PDE11A: variants seen among roughly 807,000 people sequenced by gnomAD.
The protein encoded by PDE11A is phosphodiesterase 11A.
PDE11A carries 100 observed loss-of-function variants against 100.5 expected under a neutral mutation model. The observed-to-expected ratio is 1.00, with a 90% CI of 0.85 to 1.18. PDE11A has a LOEUF of 1.18. PDE11A is among the 50% of genes most tolerant of loss of function. The pLI is 0.00. For missense variants in PDE11A, 1,141 were observed against 1,152.6 expected (o/e 0.99, Z 0.15); for synonymous variants, 381 against 420.8 (o/e 0.91, Z 1.16).
intron 15 of PDE11A, among the ~76,000 whole-genome samples, chr2:177,683,893 T>G (rs1445588502): frequency 3.3e-5 from 5 of 152,300 alleles, no homozygotes; most frequent in African/African-American, 1.2e-4. Flanking sequence ...GTGAGTAATT[T>G]CACATTGCTG....
At chr2:178,074,245 T>A (rs1260608978), upstream of PDE11A, among the ~76,000 whole-genome samples, 5 of 151,228 alleles carry the variant, frequency 3.3e-5, no homozygotes, top group Non-Finnish European at 5.9e-5. Context: ...TGTGTATGAG[T>A]TTTTTGGGGG....
intron 2 of PDE11A, among the ~76,000 whole-genome samples, chr2:177,957,947 C>T (rs1334700206): frequency 1.7e-5 from 2 of 120,536 alleles, no homozygotes; most frequent in African/African-American, 3.6e-5. Context: ...GTTGCCCAGG[C>T]TGGAGTGCAG....
chr2:177,937,754 TG>T (rs2085294847), intron 2 of PDE11A, among the ~76,000 whole-genome samples: 1 of 152,092 alleles, frequency 6.6e-6, no homozygotes, highest in South Asian at 2.1e-4. Flanking sequence ...ATCTCCAAGG[TG>T]AATAGAAGAT....
intron 10 of PDE11A, among the ~76,000 whole-genome samples, chr2:177,754,763 A>G (rs1466761502): frequency 1.3e-5 from 2 of 152,218 alleles, no homozygotes; most frequent in Non-Finnish European, 1.5e-5. Context: ...GCAGCTGGAG[A>G]GAGCTGTTTG....
At chr2:177,747,152 A>G (rs1574102278) in intron 10 of PDE11A, among the ~76,000 whole-genome samples, 1 of 152,356 alleles carries the variant, frequency 6.6e-6, no homozygotes, top group East Asian at 1.9e-4. Context: ...TGTTGTCTCC[A>G]TATAACAGTA....
intron 2 of PDE11A, among the ~76,000 whole-genome samples, chr2:177,948,660 T>C (rs1262446895): frequency 1.3e-5 from 2 of 152,168 alleles, no homozygotes; most frequent in Admixed American, 6.5e-5. Context: ...TCTCAACACT[T>C]TGGGAGGCTG....
At position 177,793,689 on chromosome 2, in the gene PDE11A, A is replaced by G. The variant is rs118122785; in HGVS notation, c.1737+23140T>C. On this transcript the variant is annotated intron_variant, in intron 9 of 19. Transcript: ENST00000286063. ...GAGGAAAGGGCATGTGAGGCCACAT[A>G]CAAGCAAACTGGAACCCAAAACAAG... Among the ~76,000 whole-genome samples, 32 of 152,260 alleles carry G rather than the reference A, an allele frequency of 2.1e-4. 1 individual carries two copies. In the East Asian group the frequency reaches 6.2e-3, roughly 29 times the overall value.
intron 4 of PDE11A, among the ~76,000 whole-genome samples, chr2:177,883,567 T>G (rs1405648): frequency 0.29 from 43,534 of 151,950 alleles, 6,396 homozygotes; most frequent in Middle Eastern, 0.36. Flanking sequence ...AGTCTTCATG[T>G]GAACTGTGTG....
chr2:177,691,061 G>A (rs952673423), intron 15 of PDE11A, among the ~76,000 whole-genome samples: 3 of 152,312 alleles, frequency 2.0e-5, no homozygotes, highest in African/African-American at 7.2e-5. Flanking sequence ...AGAGTAAGGT[G>A]TCTGCATTCA....
chr2:177,657,690 GC>G (rs1168982154), intron 19 of PDE11A, among the ~76,000 whole-genome samples: 4 of 151,892 alleles, frequency 2.6e-5, no homozygotes, highest in Non-Finnish European at 5.9e-5. Context: ...GCAGAAAGAG[GC>G]GGGTGAGAGA....
intron 5 of PDE11A, among the ~76,000 whole-genome samples, chr2:177,875,187 T>G (rs375206091): frequency 4.0e-5 from 6 of 151,784 alleles, no homozygotes; most frequent in African/African-American, 1.4e-4. Context: ...TTGCAGTGCT[T>G]CACTCTAGCC....
intron 5 of PDE11A, among the ~76,000 whole-genome samples, chr2:177,850,830 A>G (rs1002896860): frequency 1.3e-5 from 2 of 152,148 alleles, no homozygotes; most frequent in Non-Finnish European, 2.9e-5. Context: ...TCAAAACCAC[A>G]ATGAGATACC....
intron 2 of PDE11A, among the ~76,000 whole-genome samples, chr2:177,907,999 C>T (rs1028777180): frequency 6.6e-6 from 1 of 152,174 alleles, no homozygotes; most frequent in Non-Finnish European, 1.5e-5. Context: ...ACTTGCTAGC[C>T]TGCATGTACT....
chr2:178,019,146 T>C lies in PDE11A; in HGVS notation c.913-4686A>G, dbSNP rs551712710. On this transcript the variant is annotated intron_variant, in intron 1 of 19. Coordinates refer to ENST00000286063, the MANE Select transcript of PDE11A (RefSeq NM_016953.4). ...TTAGACAATATTTAATTTTTGAAAA[T>C]TTCCCCCTCTGTTCAGTTGATATCA... Among the ~76,000 whole-genome samples the C allele has an allele frequency of 3.7e-3, 563 of 152,268 alleles. 4 individuals are homozygous for C. Among genetic ancestry groups the C allele is most frequent in the South Asian group, 0.011 (54 of 4,828 alleles).
chr2:177,650,821 A>T (rs2080297321), intron 19 of PDE11A, among the ~76,000 whole-genome samples: 1 of 152,166 alleles, frequency 6.6e-6, no homozygotes. Flanking sequence ...TTCCCCTCCT[A>T]CAGATGGTCT....
At chr2:177,737,633 T>C (rs2081810971) in intron 10 of PDE11A, among the ~76,000 whole-genome samples, 1 of 149,994 alleles carries the variant, frequency 6.7e-6, no homozygotes, top group Non-Finnish European at 1.5e-5. Context: ...TCTGGATACC[T>C]ACAACCTACA....
chr2:177,776,497 T>C (rs1472014024), intron 9 of PDE11A, among the ~76,000 whole-genome samples: 1 of 152,132 alleles, frequency 6.6e-6, no homozygotes, highest in African/African-American at 2.4e-5. Context: ...AAGTCTGAAA[T>C]ATTTTCAGCA....
chr2:177,891,503 A>G (rs1236879987), intron 4 of PDE11A, among the ~76,000 whole-genome samples: 1 of 152,232 alleles, frequency 6.6e-6, no homozygotes, highest in Non-Finnish European at 1.5e-5. Context: ...TGATTGTTCT[A>G]AAGAGCCTTT....
chr2:177,794,656 A>G (rs1388985932), intron 9 of PDE11A, among the ~76,000 whole-genome samples: 1 of 152,112 alleles, frequency 6.6e-6, no homozygotes, highest in East Asian at 1.9e-4. Flanking sequence ...TTTTCTTTGG[A>G]TGAATCTAAT....
Sources: gnomAD v4.1 joint callset for allele counts (sites outside exome capture counted in the v4.1 genomes callset) on GRCh38, gnomAD v4.1.1 for gene constraint, MANE v1.5 for transcripts, NCBI Gene and HGNC (gene_info 2026-07-23, HGNC 2026-07-21) for gene names.